Variants in CFAP20DC observed in about 807,000 individuals in gnomAD.
CFAP20DC encodes the protein protein CFAP20DC.
A neutral mutation model predicts 101.7 loss-of-function variants in CFAP20DC; 84 were observed. The ratio of observed to expected loss-of-function variants is 0.83; its 90% CI spans 0.69 to 0.99. The LOEUF (loss-of-function observed/expected upper bound fraction) is 0.99. Among genes scored for constraint, CFAP20DC ranks in the 50% least tolerant of loss-of-function variants. The pLI is 0.00. For missense variants in CFAP20DC, 1,007 were observed against 970.3 expected, an observed-to-expected ratio of 1.04 and a Z score of -0.50; for synonymous variants, 359 against 351.2, an observed-to-expected ratio of 1.02 and a Z score of -0.25.
At chr3:58,875,653 A>C (rs1214304194) in intron 7 of CFAP20DC, among the ~76,000 whole-genome samples, 2 of 152,160 alleles carry the variant, frequency 1.3e-5, no homozygotes, top group Admixed American at 6.5e-5. Context: ...CAATCGATGT[A>C]AGTTCTTTTG....
chr3:58,947,906 C>T (rs1171052822), intron 4 of CFAP20DC, among the ~76,000 whole-genome samples: 1 of 152,170 alleles, frequency 6.6e-6, no homozygotes, highest in East Asian at 1.9e-4. Context: ...TACAGAACAG[C>T]CTACAGAATG....
At chr3:58,781,775 G>A (rs1029514260) in intron 15 of CFAP20DC, among the ~76,000 whole-genome samples, 1 of 152,016 alleles carries the variant, frequency 6.6e-6, no homozygotes, top group African/African-American at 2.4e-5. Context: ...CAAGTTATGA[G>A]ACTGAATCAG....
At chr3:58,779,357 GA>G (rs561718492) in intron 15 of CFAP20DC, among the ~76,000 whole-genome samples, 162 of 152,278 alleles carry the variant, frequency 1.1e-3, no homozygotes, top group Non-Finnish European at 1.9e-3. Flanking sequence ...AGGTGGGCAG[GA>G]GTAACTATGC....
chr3:58,912,596 T>TG lies in CFAP20DC; in HGVS notation c.550+1111dup, dbSNP rs2084266808. The TG allele has an allele frequency of 2.5e-6, 1 of 394,114 alleles. No individual in the cohort carries two copies. The highest frequency in any genetic ancestry group is 3.2e-5 in the Admixed American group (1 of 31,106). The allele number at this position is 394,114 out of a possible 1,614,324, so 24.4% of individuals were successfully genotyped here. A position where few individuals can be genotyped will look rare whatever the true frequency, so the allele number is the denominator to read the frequency against. On this transcript the variant is annotated intron_variant, in intron 6 of 16. Coordinates refer to ENST00000482387, the MANE Select transcript of CFAP20DC (RefSeq NM_001394063.1). This position sits in a 1 kb window ranked among gnomAD's most constrained non-coding sequence, Gnocchi z 4.4. Reference sequence around the variant, plus strand: ...ACATCTTATATGCAGCCCTGCTTCCTGGACTTCTAGAAGAATTGATTTAAC... The same window carrying TG: ...ACATCTTATATGCAGCCCTGCTTCCTGGGACTTCTAGAAGAATTGATTTAAC...
intron 15 of CFAP20DC, among the ~76,000 whole-genome samples, chr3:58,765,893 T>G (rs1337225771): frequency 6.6e-6 from 1 of 152,202 alleles, no homozygotes; most frequent in Non-Finnish European, 1.5e-5. Flanking sequence ...AGCTCATTTT[T>G]GGGGACAATT....
intron 4 of CFAP20DC, among the ~76,000 whole-genome samples, chr3:58,984,306 G>T (rs1166840680): frequency 6.6e-6 from 1 of 152,128 alleles, no homozygotes; most frequent in Non-Finnish European, 1.5e-5. Flanking sequence ...TCCCTGAGTG[G>T]TCACTGTTTT....
chr3:58,952,497 G>A (rs149187268), intron 4 of CFAP20DC, among the ~76,000 whole-genome samples: 94 of 152,214 alleles, frequency 6.2e-4, no homozygotes, highest in African/African-American at 2.1e-3. Flanking sequence ...ATCAACTTGG[G>A]TGGCTGTGGA....
At chr3:58,793,162 A>G (rs1046001669) in intron 15 of CFAP20DC, among the ~76,000 whole-genome samples, 22 of 152,200 alleles carry the variant, frequency 1.4e-4, no homozygotes, top group African/African-American at 5.3e-4. Context: ...AAATATCATT[A>G]AATCAGCACA....
intron 15 of CFAP20DC, among the ~76,000 whole-genome samples, chr3:58,793,756 T>A (rs2073035442): frequency 6.6e-6 from 1 of 152,168 alleles, no homozygotes; most frequent in South Asian, 2.1e-4. Context: ...TGTCACTGTT[T>A]AATTGAAAGC....
chr3:58,875,479 G>A (rs1368152051), intron 7 of CFAP20DC, among the ~76,000 whole-genome samples: 1 of 152,178 alleles, frequency 6.6e-6, no homozygotes, highest in Non-Finnish European at 1.5e-5. Context: ...GTGGGACATG[G>A]TGTGGGCCTG....
chr3:58,751,531 G>A (rs919322864), intron 16 of CFAP20DC, among the ~76,000 whole-genome samples: 18 of 152,090 alleles, frequency 1.2e-4, no homozygotes, highest in Non-Finnish European at 2.4e-4. Context: ...GGGCTGACAG[G>A]TGACCAGAGG....
intron 16 of CFAP20DC, among the ~76,000 whole-genome samples, chr3:58,752,828 T>C (rs1015666989): frequency 1.3e-4 from 20 of 152,126 alleles, no homozygotes; most frequent in Non-Finnish European, 2.8e-4. Flanking sequence ...CTTTTTTCCC[T>C]GGGGCAGTTA....
intron 5 of CFAP20DC, among the ~76,000 whole-genome samples, chr3:58,922,503 A>G (rs1160868508): frequency 6.6e-6 from 1 of 152,162 alleles, no homozygotes; most frequent in South Asian, 2.1e-4. Context: ...GGAGTGAATG[A>G]GTTCTCACTC....
chr3:58,850,270 T>A (rs942379546), intron 12 of CFAP20DC, among the ~76,000 whole-genome samples: 1 of 152,126 alleles, frequency 6.6e-6, no homozygotes, highest in South Asian at 2.1e-4. Context: ...TCATGGTAGA[T>A]TCTTCGAATT....
At chr3:58,782,479 T>C (rs540434221) in intron 15 of CFAP20DC, among the ~76,000 whole-genome samples, 60 of 152,088 alleles carry the variant, frequency 3.9e-4, no homozygotes, top group African/African-American at 1.3e-3. Flanking sequence ...ATTGGAAAAG[T>C]ATAAGTCAAA....
At chr3:58,968,272 T>A (rs111496376) in intron 4 of CFAP20DC, among the ~76,000 whole-genome samples, 1,551 of 152,290 alleles carry the variant, frequency 0.01, 29 homozygotes, top group African/African-American at 0.035. Flanking sequence ...TTTTAGCTCT[T>A]TGAGGAATCA....
chr3:58,991,833 G>T (rs2092948445), intron 4 of CFAP20DC, among the ~76,000 whole-genome samples: 1 of 152,114 alleles, frequency 6.6e-6, no homozygotes, highest in South Asian at 2.1e-4. Flanking sequence ...TCACCTACAG[G>T]TACTGGTCTG....
Position 58,721,848 on chromosome 3 carries a change from G to A in CFAP20DC, c.198-4220C>T, listed in dbSNP as rs2067477699. Among the ~76,000 whole-genome samples, 8 of 152,216 alleles carry A rather than the reference G, an allele frequency of 5.3e-5. No homozygotes were observed. Among genetic ancestry groups the A allele is most frequent in the Admixed American group, 5.2e-4 (8 of 15,286 alleles). On this transcript the variant is annotated intron_variant, in intron 3 of 3. Coordinates refer to the CFAP20DC transcript ENST00000486145. The surrounding 1 kb of genome is among the most constrained non-coding windows in gnomAD (Gnocchi z 5.2). ...GTGGAGACCACCAGGCTCTGGTCAT[G>A]TTGGGGTTGATTTTATTTTCCTAAG...
At chr3:58,772,611 A>T (rs1575602397) in intron 15 of CFAP20DC, among the ~76,000 whole-genome samples, 1 of 152,318 alleles carries the variant, frequency 6.6e-6, no homozygotes, top group East Asian at 1.9e-4. Flanking sequence ...CCTACCTCAT[A>T]AATATATGCA....
Sources: allele counts gnomAD v4.1 joint callset (sites outside exome capture counted in the v4.1 genomes callset), GRCh38; gene constraint gnomAD v4.1.1; non-coding constraint Gnocchi (gnomAD v3.1); transcripts MANE v1.5; gene names NCBI Gene and HGNC (gene_info 2026-07-23, HGNC 2026-07-21).